Variants in PTTG1IP2 observed in about 807,000 individuals in gnomAD.
PTTG1IP2 encodes the protein PTTG1IP family member 2.
intron 6 of PTTG1IP2, among the ~76,000 whole-genome samples, chr7:90,501,287 C>T (rs565766969): frequency 4.1e-4 from 63 of 152,126 alleles, no homozygotes; most frequent in African/African-American, 1.5e-3. Flanking sequence ...TTTTGTTTTC[C>T]AGTGCATATA....
chr7:90,485,552 A>G (rs1481481223), intron 2 of PTTG1IP2, among the ~76,000 whole-genome samples: 3 of 152,184 alleles, frequency 2.0e-5, no homozygotes, highest in Admixed American at 6.5e-5. Flanking sequence ...ATAGTGGCCA[A>G]TAGTCCTATA....
chr7:90,484,558 A>G (rs1008903402), intron 2 of PTTG1IP2, among the ~76,000 whole-genome samples: 2 of 152,184 alleles, frequency 1.3e-5, no homozygotes, highest in Non-Finnish European at 2.9e-5. Context: ...GAAAAAAATC[A>G]TGTAATTTAC....
chr7:90,510,953 G>A (rs995908930), intron 6 of PTTG1IP2, among the ~76,000 whole-genome samples: 3 of 152,180 alleles, frequency 2.0e-5, no homozygotes, highest in Non-Finnish European at 4.4e-5. Context: ...CTGGAATACC[G>A]TAATTTTGTT....
At chr7:90,484,942 A>G (rs1797851706) in intron 2 of PTTG1IP2, among the ~76,000 whole-genome samples, 1 of 152,184 alleles carries the variant, frequency 6.6e-6, no homozygotes, top group South Asian at 2.1e-4. Context: ...GATCTAACCC[A>G]ATGTCTGTAA....
At chr7:90,470,490 AG>A (rs1797670845) in intron 1 of PTTG1IP2, 1 of 152,258 alleles carries the variant, frequency 6.6e-6, no homozygotes, top group Non-Finnish European at 1.5e-5. Flanking sequence ...AATAAGAGAC[AG>A]AATTTGAATT....
chr7:90,488,289 T>C (rs920692220), intron 3 of PTTG1IP2, among the ~76,000 whole-genome samples: 1 of 150,134 alleles, frequency 6.7e-6, no homozygotes, highest in African/African-American at 2.4e-5. Flanking sequence ...TTTTGCCTTA[T>C]AAAGAAGTTA....
chr7:90,497,549 G>C (rs1432094865), intron 6 of PTTG1IP2, among the ~76,000 whole-genome samples: 15 of 135,652 alleles, frequency 1.1e-4, no homozygotes, highest in Admixed American at 6.8e-4. Flanking sequence ...GGGCGACAGA[G>C]CGAGAATCCG....
chr7:90,491,847 A>C (rs1797942091), intron 4 of PTTG1IP2, among the ~76,000 whole-genome samples: 1 of 152,178 alleles, frequency 6.6e-6, no homozygotes, highest in Non-Finnish European at 1.5e-5. Flanking sequence ...AATATTGCAT[A>C]AGACCAGGTG....
intron 4 of PTTG1IP2, among the ~76,000 whole-genome samples, chr7:90,490,435 A>G (rs1197124426): frequency 2.7e-5 from 2 of 74,400 alleles, no homozygotes; most frequent in South Asian, 4.2e-4. Flanking sequence ...GTGCTTGCAG[A>G]AAAAAAAAAA....
chr7:90,501,760 C>G (rs994184024), intron 6 of PTTG1IP2, among the ~76,000 whole-genome samples: 1 of 152,100 alleles, frequency 6.6e-6, no homozygotes, highest in East Asian at 1.9e-4. Flanking sequence ...GAGGGTCTTC[C>G]GTTGGTGTTG....
intron 1 of PTTG1IP2, among the ~76,000 whole-genome samples, chr7:90,477,287 G>T (rs1257140251): frequency 6.6e-6 from 1 of 152,174 alleles, no homozygotes; most frequent in Admixed American, 6.5e-5. Flanking sequence ...TAGAAGAGAA[G>T]AAAGAACCTA....
intron 5 of PTTG1IP2, among the ~76,000 whole-genome samples, chr7:90,492,901 A>G (rs1158099071): frequency 6.6e-6 from 1 of 151,998 alleles, no homozygotes; most frequent in Non-Finnish European, 1.5e-5. Flanking sequence ...ACTTTCCCTT[A>G]CTTACAAAGC....
At chr7:90,499,826 G>T (rs1490534257) in intron 6 of PTTG1IP2, among the ~76,000 whole-genome samples, 1 of 152,006 alleles carries the variant, frequency 6.6e-6, no homozygotes, top group South Asian at 2.1e-4. Flanking sequence ...CAAGTGATCC[G>T]CATGCCTCAG....
intron 5 of PTTG1IP2, among the ~76,000 whole-genome samples, chr7:90,493,502 C>A (rs377500793): frequency 1.3e-5 from 2 of 152,128 alleles, no homozygotes; most frequent in Non-Finnish European, 2.9e-5. Flanking sequence ...ATTTTAAATT[C>A]GACAACACAT....
At chr7:90,504,390 T>C (rs1305292428) in intron 6 of PTTG1IP2, among the ~76,000 whole-genome samples, 4 of 152,132 alleles carry the variant, frequency 2.6e-5, no homozygotes, top group Non-Finnish European at 4.4e-5. Flanking sequence ...AGCGTAATTT[T>C]CACCTAGAAC....
intron 1 of PTTG1IP2, among the ~76,000 whole-genome samples, chr7:90,478,283 CCT>C (rs1303464668): frequency 3.3e-5 from 5 of 152,092 alleles, no homozygotes; most frequent in Admixed American, 6.5e-5. Flanking sequence ...AGTCATGTGT[CCT>C]CTGTTTCCCT....
At chr7:90,489,366 T>C (rs1485857105) in intron 4 of PTTG1IP2, among the ~76,000 whole-genome samples, 6 of 151,874 alleles carry the variant, frequency 4.0e-5, no homozygotes, top group Admixed American at 2.6e-4. Flanking sequence ...TTAGTAGGTA[T>C]TATCATTGTG....
intron 1 of PTTG1IP2, among the ~76,000 whole-genome samples, chr7:90,475,862 G>A (rs887961333): frequency 6.6e-6 from 1 of 151,786 alleles, no homozygotes; most frequent in South Asian, 2.1e-4. Flanking sequence ...GGGAGGCTGA[G>A]GCAGGAGGGT....
intron 6 of PTTG1IP2, among the ~76,000 whole-genome samples, chr7:90,498,785 T>C (rs1055669824): frequency 1.3e-5 from 2 of 152,222 alleles, no homozygotes; most frequent in Non-Finnish European, 2.9e-5. Context: ...TATTTTAATA[T>C]CTGGTAATGG....
Sources: allele counts gnomAD v4.1 joint callset (sites outside exome capture counted in the v4.1 genomes callset), GRCh38; gene constraint gnomAD v4.1.1; transcripts MANE v1.5; gene names NCBI Gene and HGNC (gene_info 2026-07-23, HGNC 2026-07-21).